Variants in LIMD1 observed in about 807,000 individuals in gnomAD.
LIMD1 encodes the protein LIM domain-containing protein 1.
In LIMD1, 23 loss-of-function variants were observed where a neutral mutation model predicts 58.4. The ratio of observed to expected loss-of-function variants is 0.39; its 90% CI spans 0.28 to 0.56. The LOEUF (loss-of-function observed/expected upper bound fraction) is 0.56, where lower values mean the gene tolerates loss of function less well. Among genes scored for constraint, LIMD1 ranks in the 20% least tolerant of loss-of-function variants. The pLI, the probability that LIMD1 is intolerant of heterozygous loss-of-function variation, is 0.57. For missense variants in LIMD1, 838 were observed against 855.5 expected (o/e 0.98, Z 0.25); for synonymous variants, 334 against 345.5 (o/e 0.97, Z 0.37).
chr3:45,634,620 C>T (rs1474108999), intron 1 of LIMD1, among the ~76,000 whole-genome samples: 2 of 152,220 alleles, frequency 1.3e-5, no homozygotes, highest in African/African-American at 2.4e-5. Flanking sequence ...AGTAACCCTA[C>T]GAGGGGGCCA....
rs1385217287 is a variant in LIMD1 at position 45,680,823 on chromosome 3, C to A, written c.*3764C>A. ...GTCAGGAGTTAGAGACCAGCCTGAC[C>A]AACATGGTGAAACACTGTCTCTACT... On this transcript the variant is annotated 3_prime_UTR_variant, in exon 8 of 8. Coordinates refer to ENST00000273317, the MANE Select transcript of LIMD1 (RefSeq NM_014240.3). The A allele has an allele frequency of 6.8e-6, 1 of 148,124 alleles. No homozygotes were observed. The highest frequency in any genetic ancestry group is 2.5e-5 in the African/African-American group (1 of 40,564). The allele number at this position is 148,124 out of a possible 1,614,324, so 9.2% of individuals were successfully genotyped here.
intron 1 of LIMD1, among the ~76,000 whole-genome samples, chr3:45,631,870 G>A (rs1044583571): frequency 1.9e-4 from 29 of 152,148 alleles, no homozygotes; most frequent in Admixed American, 9.8e-4. Context: ...TGCTTCTGCC[G>A]TCTGGGCCAG....
chr3:45,628,756 A>G (rs571192251), intron 1 of LIMD1, among the ~76,000 whole-genome samples: 15 of 152,346 alleles, frequency 9.8e-5, no homozygotes, highest in Non-Finnish European at 1.6e-4. Context: ...ACTGGAAACA[A>G]CTTATGTGCA....
intron 4 of LIMD1, among the ~76,000 whole-genome samples, chr3:45,669,324 C>T (rs1697561746): frequency 6.6e-6 from 1 of 152,208 alleles, no homozygotes; most frequent in African/African-American, 2.4e-5. Context: ...GATTATATAA[C>T]ATACTTTAAG....
In LIMD1 at chr3:45,668,326, T is replaced by C. The variant is rs375668092; in HGVS notation, c.1611T>C (p.Cys537=). The change falls in exon 4 of 8, where the codon TGT becomes TGC. Residue 537 remains cysteine, a synonymous_variant. Coordinates refer to ENST00000273317, the MANE Select transcript of LIMD1 (RefSeq NM_014240.3). The part of the protein sequence containing the change: ...YSGFQQSADR[C]FLCGHLIMDM... ...GTTTCCAGCAGTCGGCTGACAGGTG[T>C]TTTCTTTGTGGACATCTGATCATGG... is the stretch of plus-strand genomic sequence containing the variant. 298 of 1,613,108 alleles carry C rather than the reference T, an allele frequency of 1.8e-4. 1 individual carries two copies. The highest frequency in any genetic ancestry group is 2.4e-4 in the Non-Finnish European group (281 of 1,179,354).
At chr3:45,605,143 T>C (rs1329549061) in intron 1 of LIMD1, among the ~76,000 whole-genome samples, 1 of 152,232 alleles carries the variant, frequency 6.6e-6, no homozygotes, top group Non-Finnish European at 1.5e-5. Flanking sequence ...TGAGCCAAGA[T>C]GACCTCTCAG....
At chr3:45,610,471 G>A (rs918845325) in intron 1 of LIMD1, among the ~76,000 whole-genome samples, 1 of 152,204 alleles carries the variant, frequency 6.6e-6, no homozygotes, top group African/African-American at 2.4e-5. Context: ...TGCTTTATCT[G>A]GATAGAAACT....
chr3:45,610,291 C>T (rs895238372), intron 1 of LIMD1, among the ~76,000 whole-genome samples: 1 of 152,176 alleles, frequency 6.6e-6, no homozygotes, highest in Non-Finnish European at 1.5e-5. Context: ...CTGGGACACA[C>T]ATTCTGGCAT....
intron 1 of LIMD1, among the ~76,000 whole-genome samples, chr3:45,604,678 G>A (rs184569503): frequency 6.6e-6 from 1 of 152,218 alleles, no homozygotes; most frequent in East Asian, 1.9e-4. Flanking sequence ...GGCTCCCAAC[G>A]GATGTTCTTC....
intron 1 of LIMD1, among the ~76,000 whole-genome samples, chr3:45,625,146 G>T (rs1701658762): frequency 3.3e-5 from 5 of 152,062 alleles, no homozygotes; most frequent in Admixed American, 3.3e-4. Flanking sequence ...AGTGGTCTCT[G>T]TCCCACCCTA....
intron 1 of LIMD1, among the ~76,000 whole-genome samples, chr3:45,611,917 T>C (rs73830441): frequency 0.013 from 1,996 of 152,102 alleles, 59 homozygotes; most frequent in African/African-American, 0.045. Flanking sequence ...GTGTGAGGTG[T>C]GGGGAGAGGC....
chr3:45,618,732 T>C (rs1701600603), intron 1 of LIMD1, among the ~76,000 whole-genome samples: 1 of 151,784 alleles, frequency 6.6e-6, no homozygotes, highest in African/African-American at 2.4e-5. Flanking sequence ...ATTTGGTGGG[T>C]GAAGAAGCCA....
chr3:45,619,606 C>T (rs1701611177), intron 1 of LIMD1, among the ~76,000 whole-genome samples: 1 of 152,106 alleles, frequency 6.6e-6, no homozygotes, highest in Non-Finnish European at 1.5e-5. Context: ...TGAGACCAGC[C>T]TGGCCAACAT....
At chr3:45,617,582 G>C (rs1399057957) in intron 1 of LIMD1, among the ~76,000 whole-genome samples, 2 of 152,212 alleles carry the variant, frequency 1.3e-5, no homozygotes, top group African/African-American at 4.8e-5. Flanking sequence ...GCCCTGCAAA[G>C]TGCCCGCCAA....
At chr3:45,655,830 G>A (rs1369029171) in intron 2 of LIMD1, among the ~76,000 whole-genome samples, 1 of 152,208 alleles carries the variant, frequency 6.6e-6, no homozygotes, top group Non-Finnish European at 1.5e-5. Flanking sequence ...GCCATAACAA[G>A]TCAGTGAGGA....
chr3:45,628,763 T>C (rs1701695767), intron 1 of LIMD1, among the ~76,000 whole-genome samples: 1 of 152,194 alleles, frequency 6.6e-6, no homozygotes, highest in African/African-American at 2.4e-5. Flanking sequence ...ACAACTTATG[T>C]GCATCAACAA....
chr3:45,623,107 CA>C (rs1408277958), intron 1 of LIMD1, among the ~76,000 whole-genome samples: 2 of 152,228 alleles, frequency 1.3e-5, no homozygotes, highest in Admixed American at 1.3e-4. Flanking sequence ...CCATCTTTGT[CA>C]ATCAGGTTAG....
At chr3:45,655,592 A>G (rs948492989) in intron 2 of LIMD1, among the ~76,000 whole-genome samples, 6 of 152,228 alleles carry the variant, frequency 3.9e-5, no homozygotes, top group African/African-American at 1.4e-4. Context: ...CATCAGCATC[A>G]CTAGGGAACT....
intron 1 of LIMD1, among the ~76,000 whole-genome samples, chr3:45,606,894 A>T (rs1701472767): frequency 2.0e-5 from 3 of 152,176 alleles, no homozygotes; most frequent in Admixed American, 2.0e-4. Context: ...CCGAGTTTCA[A>T]GCAATTCTCG....
Sources: allele counts gnomAD v4.1 joint callset (sites outside exome capture counted in the v4.1 genomes callset), GRCh38; gene constraint gnomAD v4.1.1; transcripts MANE v1.5; gene names NCBI Gene and HGNC (gene_info 2026-07-23, HGNC 2026-07-21).